WDPCP: variants seen among roughly 807,000 people sequenced by gnomAD.
WDPCP encodes WD repeat-containing and planar cell polarity effector protein fritz homolog.
Under a neutral mutation model 93.1 loss-of-function variants are expected in WDPCP, and 71 were observed. The observed-to-expected ratio is 0.76, with a 90% CI of 0.63 to 0.93. WDPCP has a LOEUF of 0.93. WDPCP is among the 40% of genes least tolerant of loss of function. WDPCP has a pLI of 0.00. For synonymous variants in WDPCP, 315 were observed against 315.0 expected (o/e 1.00, Z 0.00); for missense variants, 844 against 887.4 (o/e 0.95, Z 0.62).
intron 12 of WDPCP, among the ~76,000 whole-genome samples, chr2:63,358,048 C>G (rs1690149555): frequency 6.6e-6 from 1 of 151,990 alleles, no homozygotes; most frequent in African/African-American, 2.4e-5. Flanking sequence ...TAAGTGGGAG[C>G]TAAATGATAC....
intron 3 of WDPCP, among the ~76,000 whole-genome samples, chr2:63,618,189 G>A (rs1209590435): frequency 1.3e-5 from 2 of 152,204 alleles, no homozygotes; most frequent in Non-Finnish European, 2.9e-5. Context: ...TCAACGCCCT[G>A]TTGAGAAGAA....
intron 13 of WDPCP, among the ~76,000 whole-genome samples, chr2:63,309,510 T>C (rs1400985695): frequency 6.6e-6 from 1 of 151,892 alleles, no homozygotes; most frequent in African/African-American, 2.4e-5. Flanking sequence ...CCAAACAGAA[T>C]TGAAGTGAGA....
chr2:63,133,237 T>C (rs141506603), intron 17 of WDPCP, among the ~76,000 whole-genome samples: 92 of 152,318 alleles, frequency 6.0e-4, no homozygotes, highest in Middle Eastern at 3.4e-3. Context: ...TCTCCACCTA[T>C]AATCTTTTGC....
At chr2:63,394,364 T>C (rs1194839063) in intron 10 of WDPCP, among the ~76,000 whole-genome samples, 1 of 123,424 alleles carries the variant, frequency 8.1e-6, no homozygotes, top group Non-Finnish European at 1.8e-5. Context: ...AGAATGGCTA[T>C]TATTAATAAG....
intron 1 of WDPCP, among the ~76,000 whole-genome samples, chr2:63,500,815 AG>A (rs1235880837): frequency 3.3e-5 from 5 of 152,368 alleles, no homozygotes; most frequent in Non-Finnish European, 7.3e-5. Context: ...GAGCATTATT[AG>A]TGAGTATTAC....
chr2:63,261,693 T>C (rs1681646343), intron 13 of WDPCP, among the ~76,000 whole-genome samples: 1 of 152,190 alleles, frequency 6.6e-6, no homozygotes, highest in African/African-American at 2.4e-5. Flanking sequence ...TTTAATTTCA[T>C]CAATAAAGAT....
At chr2:63,261,109 C>CGAG (rs934381978) in intron 13 of WDPCP, among the ~76,000 whole-genome samples, 1 of 151,386 alleles carries the variant, frequency 6.6e-6, no homozygotes, top group Non-Finnish European at 1.5e-5. Context: ...TTCATTTCAA[C>CGAG]GAGAACATTG....
chr2:63,748,974 A>C lies in WDPCP; in HGVS notation n.308+64648T>G, dbSNP rs530550894. Among the ~76,000 whole-genome samples, 320 of 152,120 alleles carry C rather than the reference A, an allele frequency of 2.1e-3. 1 individual carries two copies. The highest frequency in any genetic ancestry group is 2.8e-3 in the Non-Finnish European group (188 of 67,970). On this transcript the variant is annotated intron_variant and non_coding_transcript_variant, in intron 2 of 4. Transcript: ENST00000467687. ...TAACTTGTGGTTTTTGGTAACACAC[A>C]GTTTCTGTGAATTTGCGCTACAAAT...
chr2:63,773,553 G>C (rs1179490844), intron 2 of WDPCP, among the ~76,000 whole-genome samples: 1 of 151,978 alleles, frequency 6.6e-6, no homozygotes, highest in Admixed American at 6.6e-5. Context: ...AATTTATTAA[G>C]CTGAGTACTT....
intron 2 of WDPCP, among the ~76,000 whole-genome samples, chr2:63,786,592 T>C (rs1575772834): frequency 6.6e-6 from 1 of 152,308 alleles, no homozygotes; most frequent in South Asian, 2.1e-4. Context: ...GACCTTTAAG[T>C]GTCAGCCTCT....
chr2:63,460,945 G>GA (rs1453196097), intron 6 of WDPCP, among the ~76,000 whole-genome samples: 2 of 151,372 alleles, frequency 1.3e-5, no homozygotes, highest in Non-Finnish European at 3.0e-5. Flanking sequence ...CTTATAAGCA[G>GA]AAAAAAAGGA....
At chr2:63,211,018 T>G (rs1317303014) in intron 14 of WDPCP, among the ~76,000 whole-genome samples, 2 of 152,222 alleles carry the variant, frequency 1.3e-5, no homozygotes, top group Admixed American at 6.5e-5. Context: ...CTGTAGACTC[T>G]GCTTCTGGGG....
chr2:63,837,692 C>T, the WDPCP span, among the ~76,000 whole-genome samples: 1 of 152,204 alleles, frequency 6.6e-6, no homozygotes, highest in East Asian at 1.9e-4. Context: ...GTCATCAGGG[C>T]ATTTGCTGCT....
At chr2:63,445,688 G>A (rs949948399) in intron 6 of WDPCP, among the ~76,000 whole-genome samples, 2 of 152,130 alleles carry the variant, frequency 1.3e-5, no homozygotes, top group Non-Finnish European at 2.9e-5. Flanking sequence ...GTGGTAAAGG[G>A]AGGCATCTCA....
chr2:63,239,248 C>CTT (rs1325107463), intron 14 of WDPCP, among the ~76,000 whole-genome samples: 2 of 152,180 alleles, frequency 1.3e-5, no homozygotes, highest in Non-Finnish European at 2.9e-5. Flanking sequence ...GAGTCTCGCT[C>CTT]TTTCACCCAG....
chr2:63,371,655 T>C (rs1323339950), intron 12 of WDPCP, among the ~76,000 whole-genome samples: 1 of 152,092 alleles, frequency 6.6e-6, no homozygotes, highest in African/African-American at 2.4e-5. Flanking sequence ...TTTAATAGTA[T>C]GATTCTTTAT....
intron 3 of WDPCP, chr2:63,605,441 C>T (rs1423463221): frequency 7.7e-7 from 1 of 1,295,208 alleles, no homozygotes; most frequent in Admixed American, 1.7e-5. Flanking sequence ...ATTTTTGTTG[C>T]CTGATGATAT....
chr2:63,474,645 G>A (rs377489809), intron 6 of WDPCP, among the ~76,000 whole-genome samples: 21 of 152,070 alleles, frequency 1.4e-4, no homozygotes, highest in Admixed American at 3.3e-4. Context: ...ATCTGTATCT[G>A]AGAGGGATGG....
At chr2:63,811,022 TATAAAATA>T (rs1670854516) in intron 2 of WDPCP, among the ~76,000 whole-genome samples, 1 of 152,248 alleles carries the variant, frequency 6.6e-6, no homozygotes, top group Non-Finnish European at 1.5e-5. Context: ...CTATGTCTTC[TATAAAATA>T]CTAACTCATA....
Sources: allele counts gnomAD v4.1 joint callset (sites outside exome capture counted in the v4.1 genomes callset), GRCh38; gene constraint gnomAD v4.1.1; transcripts MANE v1.5; gene names NCBI Gene and HGNC (gene_info 2026-07-23, HGNC 2026-07-21).